The following PKNOX2 variants were observed in gnomAD, a reference collection of about 807,000 sequenced individuals.
PKNOX2 encodes homeobox protein PKNOX2.
Under a neutral mutation model 53.1 loss-of-function variants are expected in PKNOX2, and 14 were observed. The ratio of observed to expected loss-of-function variants is 0.26; its 90% CI spans 0.17 to 0.41. The LOEUF is 0.41. Among genes scored for constraint, PKNOX2 ranks in the 10% least tolerant of loss-of-function variants. The pLI, the probability that PKNOX2 is intolerant of heterozygous loss-of-function variation, is 1.00. For synonymous variants in PKNOX2, 257 were observed against 242.8 expected, an observed-to-expected ratio of 1.06 and a Z score of -0.54; for missense variants, 496 against 602.8, an observed-to-expected ratio of 0.82 and a Z score of 1.85.
chr11:125,278,673 C>T (rs143504439), intron 2 of PKNOX2, among the ~76,000 whole-genome samples: 50 of 152,252 alleles, frequency 3.3e-4, no homozygotes, highest in African/African-American at 1.1e-3. Context: ...GAGTGAATAT[C>T]GGGGTGGTGG....
chr11:125,225,500 A>G (rs747723355), intron 1 of PKNOX2, among the ~76,000 whole-genome samples: 28 of 152,200 alleles, frequency 1.8e-4, no homozygotes, highest in Non-Finnish European at 2.8e-4. Context: ...GAGTCTGCCC[A>G]GGCCCATCCA....
chr11:125,357,449 A>G (rs1951680423), intron 4 of PKNOX2, among the ~76,000 whole-genome samples: 1 of 152,118 alleles, frequency 6.6e-6, no homozygotes, highest in South Asian at 2.1e-4. Flanking sequence ...ATATTCTGAT[A>G]TTTACCAAAA....
At chr11:125,205,251 T>G (rs769379627) in intron 1 of PKNOX2, among the ~76,000 whole-genome samples, 1 of 152,222 alleles carries the variant, frequency 6.6e-6, no homozygotes, top group Non-Finnish European at 1.5e-5. Context: ...CTGGACATTC[T>G]TTTTAATGAA....
intron 1 of PKNOX2, among the ~76,000 whole-genome samples, chr11:125,173,298 G>A (rs1254761544): frequency 1.3e-5 from 2 of 152,208 alleles, no homozygotes; most frequent in Non-Finnish European, 2.9e-5. Flanking sequence ...CAGGTAAAAT[G>A]GGCATTGTAT....
chr11:125,332,112 G>A (rs921610888), intron 3 of PKNOX2, among the ~76,000 whole-genome samples, 187 bp downstream of exon 3: 1 of 152,172 alleles, frequency 6.6e-6, no homozygotes, highest in African/African-American at 2.4e-5. Flanking sequence ...TGAGGAGGAG[G>A]GCTGGGCCTT....
intron 6 of PKNOX2, among the ~76,000 whole-genome samples, chr11:125,395,226 C>T (rs778999616): frequency 5.9e-5 from 9 of 152,174 alleles, no homozygotes; most frequent in Admixed American, 1.3e-4. Context: ...TGCAATCTAT[C>T]CACATTGTTG....
chr11:125,411,906 G>A (rs1323822694), intron 10 of PKNOX2, 41 bp downstream of exon 10: 2 of 1,612,556 alleles, frequency 1.2e-6, no homozygotes, highest in Non-Finnish European at 1.7e-6. Context: ...CCCGGCATGG[G>A]GTATGAATAA....
At chr11:125,362,217 C>T (rs957551294) in intron 4 of PKNOX2, among the ~76,000 whole-genome samples, 1 of 152,128 alleles carries the variant, frequency 6.6e-6, no homozygotes, top group Non-Finnish European at 1.5e-5. Context: ...CCATTCTCCT[C>T]TTCAAAGAAA....
chr11:125,348,606 G>A (rs569686228), intron 3 of PKNOX2, among the ~76,000 whole-genome samples: 3 of 152,314 alleles, frequency 2.0e-5, no homozygotes, highest in South Asian at 4.2e-4. Flanking sequence ...TTGTCTCTGG[G>A]CACAGGCTAC....
intron 1 of PKNOX2, among the ~76,000 whole-genome samples, chr11:125,192,263 C>A (rs1956924521): frequency 6.6e-6 from 1 of 152,184 alleles, no homozygotes; most frequent in Non-Finnish European, 1.5e-5. Flanking sequence ...CTAGGGTTGG[C>A]AGAAGGCTCC....
At position 125,214,340 on chromosome 11, in the gene PKNOX2, GCTCTCCCTCTTA is replaced by G. The variant is rs546605341; in HGVS notation, c.-200-20701_-200-20690del. Among the ~76,000 whole-genome samples the G allele has an allele frequency of 2.7e-3, 412 of 152,020 alleles. 2 individuals are homozygous for G. Among genetic ancestry groups the G allele is most frequent in the African/African-American group, 9.2e-3 (382 of 41,492 alleles). ...GCATTTCCTCTTCTGATTCGCTCTTGCTCTCCCTCTTACTCCCTTTCTGTCCCCCTCTTTTGA... is the reference window on the plus strand; with the variant it reads ...GCATTTCCTCTTCTGATTCGCTCTTGCTCCCTTTCTGTCCCCCTCTTTTGA... On this transcript the variant is annotated intron_variant, in intron 1 of 12. Transcript: ENST00000298282.
Position 125,240,660 on chromosome 11 carries a change from G to A in PKNOX2, c.-130+5545G>A, listed in dbSNP as rs1229628867. Among the ~76,000 whole-genome samples, 2 of 152,090 alleles carry A rather than the reference G, an allele frequency of 1.3e-5. No individual in the cohort carries two copies. The highest frequency in any genetic ancestry group is 1.3e-4 in the Admixed American group (2 of 15,278). On this transcript the variant is annotated intron_variant, in intron 2 of 12. Transcript: ENST00000298282. This position sits in a 1 kb window ranked among gnomAD's most constrained non-coding sequence, Gnocchi z 4.3. Reference sequence around the variant, plus strand: ...TTTCCCTCTTTTTTCTTTCTCTGTGGTGCCTGTCACTTCCACCATTACCCA... The same window carrying A: ...TTTCCCTCTTTTTTCTTTCTCTGTGATGCCTGTCACTTCCACCATTACCCA...
intron 6 of PKNOX2, among the ~76,000 whole-genome samples, chr11:125,390,325 G>A (rs1228713959): frequency 6.6e-6 from 1 of 152,190 alleles, no homozygotes; most frequent in Admixed American, 6.5e-5. Context: ...GCCCAGGCAG[G>A]AATCAAATAC....
chr11:125,318,579 C>T (rs1048722740), intron 2 of PKNOX2, among the ~76,000 whole-genome samples: 1 of 152,202 alleles, frequency 6.6e-6, no homozygotes, highest in African/African-American at 2.4e-5. Flanking sequence ...AGCAATAAGA[C>T]TGTCTCACTC....
intron 2 of PKNOX2, among the ~76,000 whole-genome samples, chr11:125,324,608 G>T (rs956950019): frequency 1.3e-5 from 2 of 152,144 alleles, no homozygotes; most frequent in Non-Finnish European, 1.5e-5. Context: ...GATGCTGTAA[G>T]TGGCTGGAAC....
rs79611003 is a variant in PKNOX2 at position 125,302,549 on chromosome 11, G to A, written c.-129-29270G>A. On this transcript the variant is annotated intron_variant, in intron 2 of 12. Coordinates refer to ENST00000298282, the MANE Select transcript of PKNOX2 (RefSeq NM_001382323.2). Reference sequence around the variant, plus strand: ...AGCCTCTGGCTGTCAGGAAGCTCTCGGCCACCCCCATGTACTGGTGGGGCC... The same window carrying A: ...AGCCTCTGGCTGTCAGGAAGCTCTCAGCCACCCCCATGTACTGGTGGGGCC... Among the ~76,000 whole-genome samples, 922 of 152,262 alleles carry A rather than the reference G, an allele frequency of 6.1e-3. 38 individuals are homozygous for A. The East Asian group carries it at 0.078, about 13-fold the overall frequency.
intron 2 of PKNOX2, among the ~76,000 whole-genome samples, chr11:125,311,795 C>T (rs568016560): frequency 5.9e-5 from 9 of 152,290 alleles, no homozygotes; most frequent in Non-Finnish European, 1.0e-4. Context: ...ATAAACTCAT[C>T]AGCACCTCCT....
chr11:125,367,484 C>T (rs1012186744), intron 4 of PKNOX2, among the ~76,000 whole-genome samples: 15 of 152,302 alleles, frequency 9.8e-5, no homozygotes, highest in African/African-American at 2.4e-4. Context: ...ATCAAATCAA[C>T]GCTATGATGG....
intron 1 of PKNOX2, among the ~76,000 whole-genome samples, chr11:125,176,776 G>A (rs546254826): frequency 6.6e-6 from 1 of 152,278 alleles, no homozygotes; most frequent in Non-Finnish European, 1.5e-5. Flanking sequence ...AAGGTGAGAG[G>A]AAGACAGCTG....
Sources: gnomAD v4.1 joint callset for allele counts (sites outside exome capture counted in the v4.1 genomes callset) on GRCh38, gnomAD v4.1.1 for gene constraint, Gnocchi (gnomAD v3.1) non-coding constraint, MANE v1.5 for transcripts, NCBI Gene and HGNC (gene_info 2026-07-23, HGNC 2026-07-21) for gene names.